The following SRGAP1 variants were observed in gnomAD, a reference collection of about 807,000 sequenced individuals.
The protein encoded by SRGAP1 is SLIT-ROBO Rho GTPase activating protein 1.
Under a neutral mutation model 121.9 loss-of-function variants are expected in SRGAP1, and 43 were observed. The ratio of observed to expected loss-of-function variants is 0.35; its 90% CI spans 0.28 to 0.46. The LOEUF is 0.46. SRGAP1 is among the 20% of genes least tolerant of loss of function. The pLI, the probability that SRGAP1 is intolerant of heterozygous loss-of-function variation, is 1.00. For missense variants in SRGAP1, 1,102 were observed against 1,350.9 expected, an observed-to-expected ratio of 0.82 and a Z score of 2.89; for synonymous variants, 447 against 485.4, an observed-to-expected ratio of 0.92 and a Z score of 1.04.
At chr12:63,879,609 A>T (rs911801868) in intron 1 of SRGAP1, 1 of 152,190 alleles carries the variant, frequency 6.6e-6, no homozygotes, top group Admixed American at 6.5e-5. Context: ...ACAATTGGCA[A>T]ACCAGTACTG....
intron 1 of SRGAP1, among the ~76,000 whole-genome samples, chr12:63,891,169 C>T (rs542268530): frequency 6.6e-6 from 1 of 152,286 alleles, no homozygotes; most frequent in East Asian, 1.9e-4. Context: ...CCTTGGATGC[C>T]TTTATTAGAC....
At position 63,854,628 on chromosome 12, in the gene SRGAP1, A is replaced by G. The variant is rs565876686; in HGVS notation, c.67+9745A>G. On this transcript the variant is annotated intron_variant, in intron 1 of 21. Transcript: ENST00000355086. Reference sequence around the variant, plus strand: ...AATAATATGTATTCTTATGACTTCAATTTTATACTCAATATTATTATGTTA... The same window carrying G: ...AATAATATGTATTCTTATGACTTCAGTTTTATACTCAATATTATTATGTTA... Among the ~76,000 whole-genome samples the G allele has an allele frequency of 3.5e-4, 53 of 152,316 alleles. No homozygotes were observed. In the South Asian group the frequency reaches 9.1e-3, roughly 26 times the overall value.
At chr12:64,055,041 T>G in intron 6 of SRGAP1, among the ~76,000 whole-genome samples, 1 of 151,402 alleles carries the variant, frequency 6.6e-6, no homozygotes, top group East Asian at 1.9e-4. Flanking sequence ...GGTATTCAAT[T>G]AGGAAAAGAG....
At position 64,149,652 on chromosome 12, in the gene SRGAP1, C is replaced by A. The variant is rs1240988835; in HGVS notation, c.*6980C>A. ...GTTCCCACAGTTCATATGCCTGCAC[C>A]CTGTAAGAATCTTAGAAAGGCAGAG... On this transcript the variant is annotated 3_prime_UTR_variant, in exon 22 of 22. Coordinates refer to ENST00000355086, the MANE Select transcript of SRGAP1 (RefSeq NM_020762.4). The A allele has an allele frequency of 6.6e-6, 1 of 152,158 alleles. No individual in the cohort carries two copies. Among genetic ancestry groups the A allele is most frequent in the Non-Finnish European group, 1.5e-5 (1 of 68,042 alleles). The allele number at this position is 152,158 out of a possible 1,614,324, so 9.4% of individuals were successfully genotyped here. A position where few individuals can be genotyped will look rare whatever the true frequency, so the allele number is the denominator to read the frequency against.
chr12:63,955,139 G>A (rs1473551409), intron 1 of SRGAP1, among the ~76,000 whole-genome samples: 1 of 152,142 alleles, frequency 6.6e-6, no homozygotes, highest in Non-Finnish European at 1.5e-5. Context: ...CCAACATGGT[G>A]AAACCCCATC....
intron 6 of SRGAP1, among the ~76,000 whole-genome samples, chr12:64,049,334 A>G (rs1294108900): frequency 6.6e-6 from 1 of 152,202 alleles, no homozygotes; most frequent in East Asian, 1.9e-4. Context: ...AAATTTATAA[A>G]GGAAAGAGGT....
chr12:64,067,365 G>A lies in SRGAP1; in HGVS notation c.1125+2146G>A, dbSNP rs146406029. On this transcript the variant is annotated intron_variant, in intron 8 of 21. Coordinates refer to ENST00000355086, the MANE Select transcript of SRGAP1 (RefSeq NM_020762.4). ...TTCGAGACTGCACTGAGGTGAGATGGTGCCACTGCACTTTAGCCTGGGTGA... is the reference window on the plus strand; with the variant it reads ...TTCGAGACTGCACTGAGGTGAGATGATGCCACTGCACTTTAGCCTGGGTGA... Among the ~76,000 whole-genome samples, 263 of 152,310 alleles carry A rather than the reference G, an allele frequency of 1.7e-3. 2 individuals are homozygous for A. The highest frequency in any genetic ancestry group is 3.2e-3 in the Non-Finnish European group (221 of 68,030).
chr12:64,020,275 A>G (rs1029996144), intron 4 of SRGAP1, among the ~76,000 whole-genome samples: 4 of 152,156 alleles, frequency 2.6e-5, no homozygotes, highest in African/African-American at 9.7e-5. Context: ...TGGGGTAGAT[A>G]TGATATCATA....
chr12:63,913,191 C>CTT (rs1565947652), intron 1 of SRGAP1, among the ~76,000 whole-genome samples: 4 of 111,808 alleles, frequency 3.6e-5, no homozygotes, highest in South Asian at 3.0e-4. Flanking sequence ...CTGGTAAATC[C>CTT]TTCTTTTTTT....
chr12:64,008,037 A>G (rs1302002177), intron 3 of SRGAP1, among the ~76,000 whole-genome samples: 1 of 152,178 alleles, frequency 6.6e-6, no homozygotes, highest in Non-Finnish European at 1.5e-5. Flanking sequence ...ACAATAAGAG[A>G]TAATACTTAT....
chr12:64,073,812 T>C (rs1441815627), intron 8 of SRGAP1, among the ~76,000 whole-genome samples: 1 of 151,918 alleles, frequency 6.6e-6, no homozygotes, highest in African/African-American at 2.4e-5. Context: ...GAAGACAAAC[T>C]ACAAATGTTT....
At chr12:64,023,975 G>A (rs1009185712) in intron 4 of SRGAP1, among the ~76,000 whole-genome samples, 4 of 152,194 alleles carry the variant, frequency 2.6e-5, no homozygotes, top group African/African-American at 9.7e-5. Flanking sequence ...AGAAGGATGT[G>A]CAGAGGAGGT....
Position 64,045,922 on chromosome 12 carries a change from C to G in SRGAP1, c.801+2347C>G, listed in dbSNP as rs367862055. ...AACTATAAATGAATTTATATACATA[C>G]AAGTACATGTATACACACACACATA... On this transcript the variant is annotated intron_variant, in intron 6 of 21. Transcript: ENST00000355086. Among the ~76,000 whole-genome samples the G allele has an allele frequency of 4.6e-4, 70 of 152,210 alleles. 2 individuals carry two copies. The South Asian group carries it at 0.015, about 32-fold the overall frequency.
At chr12:63,985,989 C>CT (rs1313664614) in intron 2 of SRGAP1, among the ~76,000 whole-genome samples, 3 of 152,198 alleles carry the variant, frequency 2.0e-5, no homozygotes, top group Non-Finnish European at 2.9e-5. Flanking sequence ...GGGATGGGAA[C>CT]TATCCCTGGG....
At chr12:64,037,415 G>A (rs6581530) in intron 4 of SRGAP1, among the ~76,000 whole-genome samples, 87,483 of 152,012 alleles carry the variant, frequency 0.58, 25,612 homozygotes, top group South Asian at 0.67. Flanking sequence ...CTCTTCCTCC[G>A]TACTAAATGA....
chr12:64,079,961 G>A lies in SRGAP1; in HGVS notation c.1324-325G>A, dbSNP rs374895990. Among the ~76,000 whole-genome samples, 38 of 152,176 alleles carry A rather than the reference G, an allele frequency of 2.5e-4. No individual in the cohort carries two copies. The East Asian group carries it at 6.2e-3, about 25-fold the overall frequency. On this transcript the variant is annotated intron_variant, in intron 9 of 21. Coordinates refer to ENST00000355086, the MANE Select transcript of SRGAP1 (RefSeq NM_020762.4). ...AATAATTTTTAAAAATTAAAAATTA[G>A]GCTGGGTGCAGTGGCTCACGCCTGT...
Position 63,879,960 on chromosome 12 carries a change from C to T in SRGAP1, c.67+35077C>T, listed in dbSNP as rs368926194. ...TGGGTTGATATGGTTTAGCTGTGTGCGCACCCAAATCTCATCTTGAATTGT... is the reference window on the plus strand; with the variant it reads ...TGGGTTGATATGGTTTAGCTGTGTGTGCACCCAAATCTCATCTTGAATTGT... On this transcript the variant is annotated intron_variant, in intron 1 of 21. Coordinates refer to ENST00000355086, the MANE Select transcript of SRGAP1 (RefSeq NM_020762.4). Among the ~76,000 whole-genome samples the T allele has an allele frequency of 8.5e-5, 13 of 152,180 alleles. No homozygotes were observed. In the East Asian group the frequency reaches 1.4e-3, roughly 16 times the overall value.
chr12:63,956,417 T>A (rs1474468237), intron 1 of SRGAP1, among the ~76,000 whole-genome samples: 1 of 152,122 alleles, frequency 6.6e-6, no homozygotes, highest in Non-Finnish European at 1.5e-5. Flanking sequence ...AGAATGTCTG[T>A]CAGATGCATA....
chr12:63,948,331 C>A (rs2032117951), intron 1 of SRGAP1, among the ~76,000 whole-genome samples: 1 of 152,064 alleles, frequency 6.6e-6, no homozygotes, highest in Admixed American at 6.6e-5. Context: ...TTGAGAAAAA[C>A]CTCCCTGAAG....
Sources: allele counts gnomAD v4.1 joint callset (sites outside exome capture counted in the v4.1 genomes callset), GRCh38; gene constraint gnomAD v4.1.1; transcripts MANE v1.5; gene names NCBI Gene and HGNC (gene_info 2026-07-23, HGNC 2026-07-21).